Variants in PTK2 observed in about 807,000 individuals in gnomAD.
PTK2 encodes focal adhesion kinase 1.
A neutral mutation model predicts 150.1 loss-of-function variants in PTK2; 45 were observed. The observed-to-expected ratio is 0.30, with a 90% CI of 0.24 to 0.38. The LOEUF is 0.38. Among genes scored for constraint, PTK2 ranks in the 10% least tolerant of loss-of-function variants. The pLI, the probability that PTK2 is intolerant of heterozygous loss-of-function variation, is 1.00. For missense variants in PTK2, 919 were observed against 1,307.3 expected, an observed-to-expected ratio of 0.70 and a Z score of 4.58; for synonymous variants, 432 against 449.2, an observed-to-expected ratio of 0.96 and a Z score of 0.48.
At chr8:140,793,028 G>C (rs2100089422) in intron 13 of PTK2, among the ~76,000 whole-genome samples, 2 of 152,140 alleles carry the variant, frequency 1.3e-5, no homozygotes, top group Non-Finnish European at 2.9e-5. Context: ...TTTCATACTT[G>C]TAAAATAGCC....
chr8:140,943,544 G>C (rs1036660857), intron 1 of PTK2, among the ~76,000 whole-genome samples: 1 of 152,214 alleles, frequency 6.6e-6, no homozygotes, highest in Non-Finnish European at 1.5e-5. Context: ...TGTTCACATA[G>C]AGGTCATTGT....
intron 31 of PTK2, among the ~76,000 whole-genome samples, chr8:140,662,425 TA>T (rs1316277529): frequency 6.6e-6 from 1 of 152,188 alleles, no homozygotes; most frequent in East Asian, 1.9e-4. Flanking sequence ...ATAGTCCCAC[TA>T]AAATATCCAC....
intron 1 of PTK2, chr8:140,983,983 C>CGT (rs2100192399): frequency 6.6e-6 from 1 of 152,128 alleles, no homozygotes; most frequent in Admixed American, 6.6e-5. Context: ...GGTAAAACCC[C>CGT]GTCTCTACTA....
At chr8:140,726,616 G>GA (rs370390732) in intron 22 of PTK2, among the ~76,000 whole-genome samples, 8 of 148,684 alleles carry the variant, frequency 5.4e-5, no homozygotes, top group South Asian at 2.1e-4. Context: ...AGGTGCTGGG[G>GA]AAAAAAAAAA....
chr8:140,675,502 G>C lies in PTK2; in HGVS notation c.2563-3C>G. The C allele has an allele frequency of 6.2e-7, 1 of 1,608,416 alleles. No homozygotes were observed. The highest frequency in any genetic ancestry group is 2.2e-5 in the East Asian group (1 of 44,856). On this transcript the variant is annotated splice_polypyrimidine_tract_variant and splice_region_variant and intron_variant, in intron 27 of 31. Coordinates refer to ENST00000522684, the Ensembl canonical transcript of PTK2. The stretch of plus-strand genomic sequence containing the variant: ...TGATATATATGTTGGTTTCCAATCT[G>C]TGGGAAAAGAAAAGTTCAGTCAATG...
At chr8:140,896,309 C>T (rs1206678505) in intron 2 of PTK2, among the ~76,000 whole-genome samples, 1 of 152,100 alleles carries the variant, frequency 6.6e-6, no homozygotes, top group African/African-American at 2.4e-5. Context: ...ATGACACCTG[C>T]AGAACAGTGA....
chr8:140,865,208 C>A (rs992610759), intron 4 of PTK2, among the ~76,000 whole-genome samples: 1 of 152,106 alleles, frequency 6.6e-6, no homozygotes, highest in Non-Finnish European at 1.5e-5. Flanking sequence ...TTTGACTATC[C>A]TCTTTTGTGA....
intron 19 of PTK2, among the ~76,000 whole-genome samples, chr8:140,744,119 G>A (rs1472529640): frequency 4.0e-5 from 6 of 150,574 alleles, no homozygotes; most frequent in East Asian, 1.9e-4. Context: ...TATTAATGCC[G>A]GATAACAAAA....
intron 7 of PTK2, among the ~76,000 whole-genome samples, chr8:140,838,236 T>C (rs1316363291): frequency 1.3e-5 from 2 of 152,184 alleles, no homozygotes; most frequent in African/African-American, 4.8e-5. Context: ...CAAGCAGTAT[T>C]CTGTATTCAT....
At chr8:140,668,579 G>T in intron 29 of PTK2, 155 bp from the exon 34 acceptor site, 3 of 800,572 alleles carry the variant, frequency 3.7e-6, no homozygotes, top group Non-Finnish European at 5.6e-6. Flanking sequence ...GATTGAGAAT[G>T]ACAGTAAAGT....
intron 27 of PTK2, among the ~76,000 whole-genome samples, chr8:140,682,828 G>C (rs775981342): frequency 1.4e-4 from 22 of 152,090 alleles, no homozygotes; most frequent in Admixed American, 7.2e-4. Flanking sequence ...CAACACACTA[G>C]AATCTCTTGA....
intron 7 of PTK2, among the ~76,000 whole-genome samples, chr8:140,831,446 G>T (rs2100115333): frequency 6.6e-6 from 1 of 152,216 alleles, no homozygotes; most frequent in African/African-American, 2.4e-5. Flanking sequence ...AAACAGGGAT[G>T]ACTTCTTCAT....
chr8:140,759,118 T>A (rs546158921), intron 16 of PTK2, among the ~76,000 whole-genome samples: 1 of 152,158 alleles, frequency 6.6e-6, no homozygotes, highest in Non-Finnish European at 1.5e-5. Flanking sequence ...TAACGATGCA[T>A]TTGTCAGAAA....
chr8:140,986,465 A>G (rs1455310112), intron 1 of PTK2, among the ~76,000 whole-genome samples: 1 of 152,266 alleles, frequency 6.6e-6, no homozygotes, highest in African/African-American at 2.4e-5. Context: ...ATAACAGGCA[A>G]AAATTGAAGT....
At chr8:140,747,194 TA>T (rs2100059490) in intron 17 of PTK2, 1 of 199,790 alleles carries the variant, frequency 5.0e-6, no homozygotes, top group Non-Finnish European at 1.0e-5. Flanking sequence ...CCGGCCTAGT[TA>T]TTCTTTTGAA....
intron 8 of PTK2, among the ~76,000 whole-genome samples, chr8:140,828,173 A>C (rs1311281371): frequency 6.6e-6 from 1 of 152,058 alleles, no homozygotes; most frequent in Non-Finnish European, 1.5e-5. Flanking sequence ...CTCAACAAAA[A>C]AAAAAAAAAA....
rs536060630 is a variant in PTK2, at chr8:140,917,157, G to A, written c.-33+8504C>T. 2.6e-5 allele frequency among the ~76,000 whole-genome samples: 4 copies of A among 152,262 alleles called. No individual in the cohort carries two copies. The South Asian group carries it at 6.2e-4, about 24-fold the overall frequency. On this transcript the variant is annotated intron_variant, in intron 2 of 31. Transcript: ENST00000522684. ...TGTAATCCTAGCACTTTGGGAGGCC[G>A]AGGTGGGTGGATTACTTGAGGTCAG...
At chr8:140,840,225 A>AT (rs2100121510) in intron 7 of PTK2, among the ~76,000 whole-genome samples, 1 of 152,182 alleles carries the variant, frequency 6.6e-6, no homozygotes, top group African/African-American at 2.4e-5. Context: ...CGCCTGGCTA[A>AT]TTTTTATAAT....
chr8:140,904,203 A>G (rs1233827329), intron 2 of PTK2, among the ~76,000 whole-genome samples: 1 of 152,208 alleles, frequency 6.6e-6, no homozygotes, highest in Non-Finnish European at 1.5e-5. Flanking sequence ...GAGAGTTTTT[A>G]ACATGAAGGG....
Sources: allele counts gnomAD v4.1 joint callset (sites outside exome capture counted in the v4.1 genomes callset), GRCh38; gene constraint gnomAD v4.1.1; transcripts MANE v1.5; gene names NCBI Gene and HGNC (gene_info 2026-07-23, HGNC 2026-07-21).